Variants in LHCGR observed in about 807,000 individuals in gnomAD.
LHCGR encodes luteinizing hormone/choriogonadotropin receptor.
LHCGR carries 55 observed loss-of-function variants against 60.7 expected under a neutral mutation model. That is an observed-to-expected ratio of 0.91 (90% CI 0.73 to 1.13). The LOEUF (loss-of-function observed/expected upper bound fraction) is 1.13. LHCGR is among the 50% of genes most tolerant of loss of function. LHCGR has a pLI of 0.00. For synonymous variants in LHCGR, 337 were observed against 316.5 expected, an observed-to-expected ratio of 1.06 and a Z score of -0.69; for missense variants, 862 against 836.0, an observed-to-expected ratio of 1.03 and a Z score of -0.38.
At chr2:48,692,509 C>T (rs1666901547) in intron 10 of LHCGR, among the ~76,000 whole-genome samples, 1 of 152,168 alleles carries the variant, frequency 6.6e-6, no homozygotes. Context: ...GGGATGGCTC[C>T]TGAGGGCAGC....
At chr2:48,729,891 C>T (rs578232547) in intron 2 of LHCGR, among the ~76,000 whole-genome samples, 1 of 152,060 alleles carries the variant, frequency 6.6e-6, no homozygotes, top group African/African-American at 2.4e-5. Context: ...CTTGGCACAG[C>T]GTTAAGAGTA....
chr2:48,749,720 T>TAAAAAAAA (rs35333492), intron 1 of LHCGR, among the ~76,000 whole-genome samples: 1 of 129,968 alleles, frequency 7.7e-6, no homozygotes, highest in Non-Finnish European at 1.7e-5. Context: ...CTTTTGAAAT[T>TAAAAAAAA]AAAAAAAAAA....
At position 48,687,895 on chromosome 2, in the gene LHCGR, G is replaced by A; in HGVS notation, c.1902C>T (p.Phe634=). Reference sequence around the variant, plus strand: ...AGCCAAATTTGCTCAGCAAAAGAAAGAAATCTCTTTGGAATGTCTTAGTGA... The same window carrying A: ...AGCCAAATTTGCTCAGCAAAAGAAAAAAATCTCTTTGGAATGTCTTAGTGA... ...AIFTKTFQRD[F]FLLLSKFGCC... Residue 634 remains phenylalanine (F), a synonymous_variant, in exon 11 of 11, where the codon TTC becomes TTT. Coordinates refer to ENST00000294954, the MANE Select transcript of LHCGR (RefSeq NM_000233.4). The A allele has an allele frequency of 6.2e-7, 1 of 1,614,100 alleles. No individual in the cohort carries two copies. The highest frequency in any genetic ancestry group is 8.5e-7 in the Non-Finnish European group (1 of 1,179,994).
chr2:48,736,444 A>G (rs1048265488), intron 1 of LHCGR, among the ~76,000 whole-genome samples: 3 of 152,220 alleles, frequency 2.0e-5, no homozygotes, highest in African/African-American at 7.2e-5. Flanking sequence ...CAGTGACAGG[A>G]AAATTTACAG....
intron 1 of LHCGR, among the ~76,000 whole-genome samples, chr2:48,735,409 C>T (rs181691548): frequency 2.6e-5 from 4 of 152,286 alleles, no homozygotes; most frequent in East Asian, 1.9e-4. Flanking sequence ...GTTTTTGTCT[C>T]GATTTCTTAT....
intron 6 of LHCGR, among the ~76,000 whole-genome samples, chr2:48,718,628 A>C (rs555085926): frequency 6.6e-6 from 1 of 152,186 alleles, no homozygotes; most frequent in African/African-American, 2.4e-5. Flanking sequence ...TTTTCAAATG[A>C]CTATACAAAC....
chr2:48,755,302 G>A (rs930523116), intron 1 of LHCGR, among the ~76,000 whole-genome samples: 1 of 152,102 alleles, frequency 6.6e-6, no homozygotes. Context: ...AAAGAATGGG[G>A]CTGGGGCTCT....
intron 8 of LHCGR, among the ~76,000 whole-genome samples, chr2:48,701,254 T>G (rs1000966884): frequency 6.6e-6 from 1 of 152,024 alleles, no homozygotes; most frequent in Non-Finnish European, 1.5e-5. Flanking sequence ...GACAGCTCAT[T>G]TCCTTCCCTT....
At chr2:48,700,764 T>A (rs957628059) in intron 8 of LHCGR, among the ~76,000 whole-genome samples, 1 of 152,084 alleles carries the variant, frequency 6.6e-6, no homozygotes, top group Non-Finnish European at 1.5e-5. Context: ...TTGCCAGAAG[T>A]TGAGAGCAGA....
At position 48,687,940 on chromosome 2, in the gene LHCGR, A is replaced by G. The variant is rs2104352494; in HGVS notation, c.1857T>C (p.Asn619=). Residue 619 remains asparagine (N), a synonymous_variant, in exon 11 of 11, where the codon AAT becomes AAC. Transcript: ENST00000294954. The stretch of plus-strand genomic sequence containing the variant: ...TAGTGAATATTGCATACAGAAATGG[A>G]TTGGCACAAGAATTGATGGGATAAA... The part of the protein sequence containing the change: ...VLFYPINSCA[N]PFLYAIFTKT... 1 of 1,614,192 alleles carries G rather than the reference A, an allele frequency of 6.2e-7. No individual in the cohort carries two copies. The highest frequency in any genetic ancestry group is 1.3e-5 in the African/African-American group (1 of 75,062).
intron 8 of LHCGR, among the ~76,000 whole-genome samples, chr2:48,704,216 G>C (rs973825524): frequency 2.6e-4 from 39 of 152,170 alleles, no homozygotes; most frequent in African/African-American, 9.4e-4. Context: ...TGTTGAACCA[G>C]CGTTGCATCC....
intron 3 of LHCGR, among the ~76,000 whole-genome samples, chr2:48,727,462 T>C (rs990430760): frequency 3.9e-5 from 6 of 152,232 alleles, no homozygotes; most frequent in African/African-American, 1.4e-4. Context: ...TGGGAATCCA[T>C]AAACTTTCCC....
intron 6 of LHCGR, among the ~76,000 whole-genome samples, chr2:48,717,314 T>C (rs761496051): frequency 5.9e-5 from 9 of 152,242 alleles, no homozygotes; most frequent in Non-Finnish European, 1.3e-4. Context: ...TGTACCCTTG[T>C]GGTTAAGTCT....
chr2:48,721,583 A>G (rs1572861951), intron 6 of LHCGR: 1 of 390,702 alleles, frequency 2.6e-6, no homozygotes, highest in East Asian at 7.2e-5. Flanking sequence ...ATCTACACAA[A>G]GTAAAAGTAC....
rs544877571 is a variant in LHCGR at position 48,737,139 on chromosome 2, T to A, written c.162-5841A>T. On this transcript the variant is annotated intron_variant, in intron 1 of 10. Coordinates refer to ENST00000294954, the MANE Select transcript of LHCGR (RefSeq NM_000233.4). The stretch of plus-strand genomic sequence containing the variant: ...ACTTGCCAGAGCTTTTACTTTTCCT[T>A]CTGCCCAACACATGGCAGAAGTGAA... 4.8e-4 allele frequency among the ~76,000 whole-genome samples: 73 copies of A among 152,350 alleles called. 1 individual carries two copies. The South Asian group carries it at 0.014, about 30-fold the overall frequency.
Position 48,687,644 on chromosome 2 carries a change from T to C in LHCGR, c.*53A>G. On this transcript the variant is annotated 3_prime_UTR_variant, in exon 11 of 11. Transcript: ENST00000294954. Reference sequence around the variant, plus strand: ...ATGTTAAAATTACTGGTACAGGTAATTTTTTTTTACAGGTTTAAGAACAAT... The same window carrying C: ...ATGTTAAAATTACTGGTACAGGTAACTTTTTTTTACAGGTTTAAGAACAAT... 1 of 1,396,602 alleles carries C rather than the reference T, an allele frequency of 7.2e-7. No individual in the cohort carries two copies. The highest frequency in any genetic ancestry group is 1.0e-6 in the Non-Finnish European group (1 of 990,204). The allele number at this position is 1,396,602 out of a possible 1,614,324, so 86.5% of individuals were successfully genotyped here.
Position 48,727,942 on chromosome 2 carries a change from A to G in LHCGR, c.308+1211T>C, listed in dbSNP as rs142262742. Among the ~76,000 whole-genome samples the G allele has an allele frequency of 7.0e-3, 1,069 of 152,312 alleles. 7 individuals are homozygous for G. Among genetic ancestry groups the G allele is most frequent in the Non-Finnish European group, 0.012 (784 of 68,022 alleles). ...GTATAGTGGAAAATCTGGAGCTTTG[A>G]AGAAAGACAGTCTGGGATTGAACCC... On this transcript the variant is annotated intron_variant, in intron 3 of 10. Transcript: ENST00000294954.
chr2:48,743,163 T>C (rs974599558), intron 1 of LHCGR, among the ~76,000 whole-genome samples: 5 of 152,196 alleles, frequency 3.3e-5, no homozygotes, highest in Non-Finnish European at 1.5e-5. Flanking sequence ...AATCTCTGAA[T>C]AGACCAATAA....
At chr2:48,697,416 G>A (rs1279386748) in intron 9 of LHCGR, among the ~76,000 whole-genome samples, 1 of 152,186 alleles carries the variant, frequency 6.6e-6, no homozygotes, top group Non-Finnish European at 1.5e-5. Flanking sequence ...CCATACAGCT[G>A]TCTGTGACTT....
Sources: gnomAD v4.1 joint callset for allele counts (sites outside exome capture counted in the v4.1 genomes callset) on GRCh38, gnomAD v4.1.1 for gene constraint, MANE v1.5 for transcripts, NCBI Gene and HGNC (gene_info 2026-07-23, HGNC 2026-07-21) for gene names.